Variants in RIPOR3 observed in about 807,000 individuals in gnomAD.
The protein encoded by RIPOR3 is family with sequence similarity 65 member C.
RIPOR3 carries 95 observed loss-of-function variants against 114.3 expected under a neutral mutation model. The observed-to-expected ratio is 0.83, with a 90% CI of 0.70 to 0.99. RIPOR3 has a LOEUF of 0.99. Among genes scored for constraint, RIPOR3 ranks in the 50% least tolerant of loss-of-function variants. The pLI is 0.00. For synonymous variants in RIPOR3, 575 were observed against 543.8 expected (o/e 1.06, Z -0.80); for missense variants, 1,252 against 1,266.9 (o/e 0.99, Z 0.18).
intron 1 of RIPOR3, among the ~76,000 whole-genome samples, chr20:50,639,289 C>T (rs1212114873): frequency 1.3e-5 from 2 of 151,946 alleles, no homozygotes; most frequent in Non-Finnish European, 2.9e-5. Flanking sequence ...GTACCCAACA[C>T]GGCTACAGGA....
intron 16 of RIPOR3, 184 bp from the exon 17 acceptor site, chr20:50,594,898 A>T: frequency 1.6e-6 from 1 of 607,402 alleles, no homozygotes; most frequent in East Asian, 2.8e-5. Context: ...GCATCTTACC[A>T]GGGCCACCAC....
intron 4 of RIPOR3, among the ~76,000 whole-genome samples, chr20:50,613,729 A>G (rs999028263): frequency 6.6e-6 from 1 of 152,158 alleles, no homozygotes; most frequent in African/African-American, 2.4e-5. Context: ...TTACTTCTAG[A>G]ATGGAAAGAA....
chr20:50,665,881 C>G (rs1227903558), intron 1 of RIPOR3, among the ~76,000 whole-genome samples: 2 of 152,038 alleles, frequency 1.3e-5, no homozygotes, highest in African/African-American at 2.4e-5. Flanking sequence ...GCCCTAAGGC[C>G]CCCCGTCGCC....
At chr20:50,590,511 C>G (rs1430017582) in intron 19 of RIPOR3, among the ~76,000 whole-genome samples, 1 of 152,170 alleles carries the variant, frequency 6.6e-6, no homozygotes, top group Non-Finnish European at 1.5e-5. Flanking sequence ...GGCCCAGAGC[C>G]AAAAGAGAAT....
intron 1 of RIPOR3, among the ~76,000 whole-genome samples, chr20:50,683,452 TTC>T (rs2086922809): frequency 1.8e-5 from 1 of 54,542 alleles, no homozygotes; most frequent in African/African-American, 3.8e-5. Flanking sequence ...TACTTACTTT[TTC>T]TTTTTTTTTT....
intron 17 of RIPOR3, among the ~76,000 whole-genome samples, chr20:50,593,933 T>C (rs953036609): frequency 1.3e-5 from 2 of 151,966 alleles, no homozygotes; most frequent in Non-Finnish European, 2.9e-5. Flanking sequence ...GTTCATTCTT[T>C]ACCCGTCAGG....
intron 1 of RIPOR3, among the ~76,000 whole-genome samples, chr20:50,633,793 G>C (rs188028198): frequency 6.6e-6 from 1 of 152,130 alleles, no homozygotes; most frequent in Admixed American, 6.5e-5. Flanking sequence ...GAGAGAGGAC[G>C]ACGAAGGAGG....
At chr20:50,655,586 T>C (rs1314316415) in intron 1 of RIPOR3, among the ~76,000 whole-genome samples, 1 of 152,186 alleles carries the variant, frequency 6.6e-6, no homozygotes, top group Non-Finnish European at 1.5e-5. Flanking sequence ...TTTGGAAAGC[T>C]GCGCCTGTAA....
chr20:50,681,405 C>T (rs184010644), intron 1 of RIPOR3, among the ~76,000 whole-genome samples: 1 of 152,024 alleles, frequency 6.6e-6, no homozygotes, highest in Non-Finnish European at 1.5e-5. Flanking sequence ...AGGGTTTGAA[C>T]CCAAGTCTGT....
intron 1 of RIPOR3, chr20:50,645,549 G>A (rs1469474256): frequency 6.6e-6 from 1 of 152,284 alleles, no homozygotes; most frequent in Non-Finnish European, 1.5e-5. Context: ...TTAGAAGGGT[G>A]AGGCGCTAGG....
rs2085956659 is a variant in RIPOR3, at chr20:50,660,519, G to A, written c.4-29663C>T. Among the ~76,000 whole-genome samples, 3 of 152,092 alleles carry A rather than the reference G, an allele frequency of 2.0e-5. No homozygotes were observed. The South Asian group carries it at 6.2e-4, about 32-fold the overall frequency. ...AGTGACAGCAAGAACTCACTCACTGGTGAGAGGGTAGCACTTCCAAGCCAT... is the reference window on the plus strand; with the variant it reads ...AGTGACAGCAAGAACTCACTCACTGATGAGAGGGTAGCACTTCCAAGCCAT... On this transcript the variant is annotated intron_variant, in intron 1 of 21. Transcript: ENST00000327979.
rs977023197 is a variant in RIPOR3 at position 50,624,840 on chromosome 20, C to T, written c.123-4708G>A. On this transcript the variant is annotated intron_variant, in intron 2 of 21. Transcript: ENST00000327979. Reference sequence around the variant, plus strand: ...CAGAGGCCTTGGTACTCGGCTGTTGCAAGTGCAGGCTCTGGAGGCAGACAG... The same window carrying T: ...CAGAGGCCTTGGTACTCGGCTGTTGTAAGTGCAGGCTCTGGAGGCAGACAG... 5.3e-5 allele frequency among the ~76,000 whole-genome samples: 8 copies of T among 152,344 alleles called. No individual in the cohort carries two copies. In the East Asian group the frequency reaches 1.5e-3, roughly 29 times the overall value.
At chr20:50,588,917 T>G (rs1375976419) in intron 20 of RIPOR3, among the ~76,000 whole-genome samples, 1 of 151,050 alleles carries the variant, frequency 6.6e-6, no homozygotes, top group Non-Finnish European at 1.5e-5. Flanking sequence ...CCATCTCTAC[T>G]AAAAATACAA....
intron 2 of RIPOR3, among the ~76,000 whole-genome samples, chr20:50,623,618 A>G (rs1235451290): frequency 6.6e-6 from 1 of 152,110 alleles, no homozygotes; most frequent in Non-Finnish European, 1.5e-5. Flanking sequence ...AGCTTCCAAC[A>G]CCTTTACAAT....
Position 50,602,682 on chromosome 20 carries a change from C to T in RIPOR3, c.1087-38G>A. On this transcript the variant is annotated intron_variant, in intron 12 of 21. Coordinates refer to ENST00000327979, the MANE Select transcript of RIPOR3 (RefSeq NM_001290268.2). This position sits in a 1 kb window ranked among gnomAD's most constrained non-coding sequence, Gnocchi z 4.3. ...CACGGGAGCGGCCTCACCAGCCACC[C>T]CAGGGACCACAGCAAGTCCCCCAGA... is the stretch of plus-strand genomic sequence containing the variant. 1 of 1,407,464 alleles carries T rather than the reference C, an allele frequency of 7.1e-7. No individual in the cohort carries two copies. The highest frequency in any genetic ancestry group is 9.3e-7 in the Non-Finnish European group (1 of 1,072,992). 87.2% of individuals were successfully genotyped at this position (1,407,464 alleles called of 1,614,324 possible).
Position 50,602,717 on chromosome 20 carries a change from C to A in RIPOR3, c.1087-73G>T. On this transcript the variant is annotated intron_variant, in intron 12 of 21. Transcript: ENST00000327979. The surrounding 1 kb of genome is among the most constrained non-coding windows in gnomAD (Gnocchi z 4.3). ...CAGCAAGTCCCCCAGAGGGGCTTCC[C>A]CTGACAGACACCCGCTGTGCATGCC... 1 of 1,189,766 alleles carries A rather than the reference C, an allele frequency of 8.4e-7. No individual in the cohort carries two copies. Among genetic ancestry groups the A allele is most frequent in the Non-Finnish European group, 1.1e-6 (1 of 898,876 alleles). The allele number at this position is 1,189,766 out of a possible 1,614,324, so 73.7% of individuals were successfully genotyped here.
At chr20:50,611,007 G>GGGCTTAGTGCCAGGCC (rs3830966) in intron 5 of RIPOR3, 101 bp from the exon 6 acceptor site, 48 of 1,546,234 alleles carry the variant, frequency 3.1e-5, no homozygotes, top group South Asian at 4.5e-5. Context: ...TCAGAGAATG[G>GGGCTTAGTGCCAGGCC]GGCCCCTCAC....
At chr20:50,611,117 A>G in intron 5 of RIPOR3, 64 bp downstream of exon 5, 1 of 1,612,480 alleles carries the variant, frequency 6.2e-7, no homozygotes, top group Non-Finnish European at 8.5e-7. Flanking sequence ...GGAAGATGCA[A>G]TGAGGCACAG....
Position 50,593,022 on chromosome 20 carries a change from A to G in RIPOR3, c.2374+13T>C. 6.2e-7 allele frequency: 1 copy of G among 1,613,314 alleles called. No homozygotes were observed. The highest frequency in any genetic ancestry group is 1.3e-5 in the African/African-American group (1 of 74,976). ...TATTCCTCTGCTATGACAGCCACCC[A>G]CCCCAGTCTTACCTTCCTTGGTGAG... On this transcript the variant is annotated intron_variant, in intron 18 of 21. Transcript: ENST00000327979.
Sources: gnomAD v4.1 joint callset for allele counts (sites outside exome capture counted in the v4.1 genomes callset) on GRCh38, gnomAD v4.1.1 for gene constraint, Gnocchi (gnomAD v3.1) non-coding constraint, MANE v1.5 for transcripts, NCBI Gene and HGNC (gene_info 2026-07-23, HGNC 2026-07-21) for gene names.